KYAT3: variants seen among roughly 807,000 people sequenced by gnomAD.
KYAT3 encodes the protein kynurenine aminotransferase 3, also known as kynurenine--oxoglutarate transaminase 3.
Under a neutral mutation model 59.0 loss-of-function variants are expected in KYAT3, and 50 were observed. The observed-to-expected ratio is 0.85, with a 90% CI of 0.68 to 1.07. KYAT3 has a LOEUF of 1.07. Among genes scored for constraint, KYAT3 ranks in the 50% least tolerant of loss-of-function variants. The pLI, the probability that KYAT3 is intolerant of heterozygous loss-of-function variation, is 0.00. For missense variants in KYAT3, 497 were observed against 533.3 expected (o/e 0.93, Z 0.67); for synonymous variants, 148 against 177.0 (o/e 0.84, Z 1.30).
At chr1:88,934,096 A>C (rs1674966207), downstream of KYAT3, among the ~76,000 whole-genome samples, 1 of 152,144 alleles carries the variant, frequency 6.6e-6, no homozygotes, top group South Asian at 2.1e-4. Context: ...ATTTGCTATG[A>C]TTTAATCATG....
rs1366185224 is a variant in KYAT3 at position 88,982,541 on chromosome 1, AAAG to A, written c.99+5708_99+5710del. ...GAAGGGACTTAACAGGGAATTTAAA[AAAG>A]GTAACACAATTTTTCCTTTTAGTAG... On this transcript the variant is annotated intron_variant, in intron 2 of 13. Transcript: ENST00000260508. 3.0e-5 allele frequency: 43 copies of A among 1,419,120 alleles called. No individual in the cohort carries two copies. In the African/African-American group the frequency reaches 5.2e-4, roughly 17 times the overall value. The allele number at this position is 1,419,120 out of a possible 1,614,324, so 87.9% of individuals were successfully genotyped here.
At chr1:88,975,690 A>G (rs1676757899) in intron 2 of KYAT3, among the ~76,000 whole-genome samples, 1 of 152,214 alleles carries the variant, frequency 6.6e-6, no homozygotes, top group Non-Finnish European at 1.5e-5. Flanking sequence ...GTGCTGCATA[A>G]ACACGTTTTG....
At chr1:88,953,987 C>T (rs775811709) in intron 9 of KYAT3, among the ~76,000 whole-genome samples, 2 of 151,730 alleles carry the variant, frequency 1.3e-5, no homozygotes, top group Non-Finnish European at 2.9e-5. Flanking sequence ...ACTCAACCTC[C>T]GCCTCCCAGG....
chr1:88,968,601 G>GCA, intron 4 of KYAT3, 69 bp downstream of exon 4: 2 of 1,227,202 alleles, frequency 1.6e-6, no homozygotes, highest in Admixed American at 2.9e-5. Context: ...AAGGGCACAT[G>GCA]CACACACACA....
intron 9 of KYAT3, among the ~76,000 whole-genome samples, chr1:88,954,719 T>C (rs750062572): frequency 5.3e-5 from 8 of 152,216 alleles, no homozygotes; most frequent in Non-Finnish European, 1.2e-4. Flanking sequence ...TCACCAGGTA[T>C]AAAAATCTAT....
At chr1:88,961,915 A>T (rs1445162338) in intron 6 of KYAT3, 144 bp downstream of exon 6, 2 of 649,424 alleles carry the variant, frequency 3.1e-6, no homozygotes, top group Non-Finnish European at 5.4e-6. Flanking sequence ...AAAATATTTT[A>T]AAAAGACAAC....
chr1:88,929,325 A>G, the KYAT3 span, among the ~76,000 whole-genome samples: 1 of 152,162 alleles, frequency 6.6e-6, no homozygotes, highest in East Asian at 1.9e-4. Context: ...CTCTATACCC[A>G]GCTGTACCTA....
At chr1:88,925,528 G>C in the KYAT3 span, among the ~76,000 whole-genome samples, 1 of 152,114 alleles carries the variant, frequency 6.6e-6, no homozygotes, top group African/African-American at 2.4e-5. Context: ...TCTTATCCCT[G>C]GTGTCCCTCC....
intron 9 of KYAT3, 88 bp from the exon 10 acceptor site, chr1:88,953,240 A>G: frequency 1.2e-6 from 1 of 834,168 alleles, no homozygotes; most frequent in Non-Finnish European, 2.0e-6. Context: ...GCAATTGTTA[A>G]ATATATACAA....
chr1:88,923,681 C>T, the KYAT3 span: 1 of 232,624 alleles, frequency 4.3e-6, no homozygotes, highest in African/African-American at 2.4e-5. Flanking sequence ...TCAGAAATCT[C>T]TGGATAAATT....
rs748447310 is a variant in KYAT3, at chr1:88,953,889, CCTTCTT to C, written c.865-743_865-738del. ...CCTAATTTTTGTTTTGATGCTCCCT[CCTTCTT>C]CTTCTTCTTCTTTTTTTTTTTTTTG... On this transcript the variant is annotated intron_variant, in intron 9 of 13. Transcript: ENST00000260508. Among the ~76,000 whole-genome samples, 11 of 121,228 alleles carry C rather than the reference CCTTCTT, an allele frequency of 9.1e-5. No homozygotes were observed. In the East Asian group the frequency reaches 1.5e-3, roughly 16 times the overall value. The allele number at this position is 121,228 out of a possible 152,430, so 79.5% of individuals were successfully genotyped here. A position where few individuals can be genotyped will look rare whatever the true frequency, so the allele number is the denominator to read the frequency against.
rs116092743 is a variant in KYAT3, at chr1:88,989,591, C to G, written c.-1-1240G>C. Among the ~76,000 whole-genome samples, 554 of 152,226 alleles carry G rather than the reference C, an allele frequency of 3.6e-3. 7 individuals are homozygous for G. Among genetic ancestry groups the G allele is most frequent in the African/African-American group, 0.013 (537 of 41,538 alleles). ...TTGGAAAATGGAAGAGAAAGGAAGA[C>G]CTGGGTCAGTTGCCAGGAATTACAT... On this transcript the variant is annotated intron_variant, in intron 1 of 13. Transcript: ENST00000260508.
intron 6 of KYAT3, 21 bp from the exon 7 acceptor site, chr1:88,961,527 T>C (rs368418314): frequency 1.3e-6 from 2 of 1,593,294 alleles, no homozygotes; most frequent in South Asian, 1.1e-5. Context: ...AGAATGAAGA[T>C]ATAATTTAAT....
At chr1:88,957,576 T>C (rs1675968740) in intron 8 of KYAT3, among the ~76,000 whole-genome samples, 1 of 152,194 alleles carries the variant, frequency 6.6e-6, no homozygotes, top group South Asian at 2.1e-4. Flanking sequence ...AATAATGAAA[T>C]AGTGTATCCA....
downstream of KYAT3, among the ~76,000 whole-genome samples, chr1:88,933,049 G>A (rs1184930295): frequency 2.0e-5 from 3 of 152,060 alleles, no homozygotes; most frequent in Non-Finnish European, 4.4e-5. Context: ...ATCTGCACAA[G>A]GCTGTCTCCC....
Position 88,986,848 on chromosome 1 carries a change from T to C in KYAT3, c.99+1404A>G, listed in dbSNP as rs139435711. On this transcript the variant is annotated intron_variant, in intron 2 of 13. Coordinates refer to ENST00000260508, the MANE Select transcript of KYAT3 (RefSeq NM_001008661.3). ...ATTGCTTTTGTAACACTGGCCAGTG[T>C]TTTTCATTCGTCCAGCAATAGGAAG... is the stretch of plus-strand genomic sequence containing the variant. Among the ~76,000 whole-genome samples, 25 of 152,292 alleles carry C rather than the reference T, an allele frequency of 1.6e-4. No individual in the cohort carries two copies. In the East Asian group the frequency reaches 4.5e-3, roughly 27 times the overall value.
chr1:88,938,069 A>G (rs1380505764), intron 13 of KYAT3, among the ~76,000 whole-genome samples: 1 of 152,122 alleles, frequency 6.6e-6, no homozygotes, highest in Non-Finnish European at 1.5e-5. Flanking sequence ...TGAGGGTTAT[A>G]TTGTGGTTTG....
At chr1:88,969,555 A>G in intron 2 of KYAT3, 88 bp from the exon 3 acceptor site, 1 of 722,818 alleles carries the variant, frequency 1.4e-6, no homozygotes, top group South Asian at 1.6e-5. Context: ...CCTTTTCCCT[A>G]CTGTTACCAT....
intron 11 of KYAT3, among the ~76,000 whole-genome samples, chr1:88,945,945 C>A (rs1252301892): frequency 6.6e-6 from 1 of 152,086 alleles, no homozygotes; most frequent in Non-Finnish European, 1.5e-5. Flanking sequence ...AACCAAAATC[C>A]TTTTTGCTCC....
Sources: allele counts gnomAD v4.1 joint callset (sites outside exome capture counted in the v4.1 genomes callset), GRCh38; gene constraint gnomAD v4.1.1; transcripts MANE v1.5; gene names NCBI Gene and HGNC (gene_info 2026-07-23, HGNC 2026-07-21).